GRM7: variants seen among roughly 807,000 people sequenced by gnomAD.
The protein encoded by GRM7 is metabotropic glutamate receptor 7.
Under a neutral mutation model 84.5 loss-of-function variants are expected in GRM7, and 35 were observed. The ratio of observed to expected loss-of-function variants is 0.41; its 90% CI spans 0.32 to 0.55. The LOEUF is 0.55. Among genes scored for constraint, GRM7 ranks in the 20% least tolerant of loss-of-function variants. GRM7 has a pLI of 0.19. For missense variants in GRM7, 1,003 were observed against 1,194.6 expected (o/e 0.84, Z 2.36); for synonymous variants, 487 against 455.1 (o/e 1.07, Z -0.89).
intron 4 of GRM7, among the ~76,000 whole-genome samples, chr3:7,338,672 ATGTC>A: frequency 6.6e-6 from 1 of 152,124 alleles, no homozygotes; most frequent in South Asian, 2.1e-4. Context: ...CTCTGTGAAA[ATGTC>A]TGTATTGAGA....
rs1194990434 is a variant in GRM7 at position 7,276,241 on chromosome 3, GTGTGTGTGTA to G, written c.737-22441_737-22432del. ...TGTGTGTGTGTGTGTGTGTGTGTGTGTGTGTGTGTATATATAATTGTCCTCTCAATGTAGA... is the reference window on the plus strand; with the variant it reads ...TGTGTGTGTGTGTGTGTGTGTGTGTGTATATAATTGTCCTCTCAATGTAGA... On this transcript the variant is annotated intron_variant, in intron 2 of 9. Coordinates refer to ENST00000357716, the MANE Select transcript of GRM7 (RefSeq NM_000844.4). Among the ~76,000 whole-genome samples the G allele has an allele frequency of 4.1e-4, 62 of 150,480 alleles. No individual in the cohort carries two copies. In the East Asian group the frequency reaches 5.8e-3, roughly 14 times the overall value.
At chr3:7,552,887 A>C (rs1281049846) in intron 7 of GRM7, among the ~76,000 whole-genome samples, 1 of 152,220 alleles carries the variant, frequency 6.6e-6, no homozygotes, top group African/African-American at 2.4e-5. Context: ...TTTGGCTTCT[A>C]GTTACTTATG....
intron 5 of GRM7, among the ~76,000 whole-genome samples, chr3:7,446,074 A>G (rs1697494002): frequency 6.6e-6 from 1 of 152,200 alleles, no homozygotes; most frequent in Non-Finnish European, 1.5e-5. Flanking sequence ...CCAAACATCA[A>G]TATTTAAGTT....
At chr3:6,947,617 T>G (rs1487962373) in intron 1 of GRM7, among the ~76,000 whole-genome samples, 2 of 152,230 alleles carry the variant, frequency 1.3e-5, no homozygotes, top group Non-Finnish European at 2.9e-5. Flanking sequence ...TGGAATGGTT[T>G]CAGAAGGAAT....
At position 7,250,057 on chromosome 3, in the gene GRM7, G is replaced by T. The variant is rs548844081; in HGVS notation, c.737-48627G>T. Among the ~76,000 whole-genome samples, 6 of 152,246 alleles carry T rather than the reference G, an allele frequency of 3.9e-5. No homozygotes were observed. In the South Asian group the frequency reaches 1.2e-3, roughly 32 times the overall value. ...GCACGGTCCCCGCCCCTCATGTGAGGCTAGGAAATGTAGGCTTTATTATTT... is the reference window on the plus strand; with the variant it reads ...GCACGGTCCCCGCCCCTCATGTGAGTCTAGGAAATGTAGGCTTTATTATTT... On this transcript the variant is annotated intron_variant, in intron 2 of 9. Coordinates refer to ENST00000357716, the MANE Select transcript of GRM7 (RefSeq NM_000844.4).
intron 1 of GRM7, among the ~76,000 whole-genome samples, chr3:6,899,101 T>G (rs751332856): frequency 6.6e-6 from 1 of 152,182 alleles, no homozygotes; most frequent in African/African-American, 2.4e-5. Context: ...AGTCCAGTAA[T>G]GAAGTCGGAA....
chr3:7,686,972 T>C (rs1412314784), intron 9 of GRM7, among the ~76,000 whole-genome samples: 1 of 152,190 alleles, frequency 6.6e-6, no homozygotes, highest in Non-Finnish European at 1.5e-5. Context: ...CCATCTGTAA[T>C]TCAAAGTTGT....
intron 1 of GRM7, among the ~76,000 whole-genome samples, chr3:6,963,098 G>A (rs559804743): frequency 6.6e-6 from 1 of 152,276 alleles, no homozygotes; most frequent in Non-Finnish European, 1.5e-5. Context: ...GGTGGTCTAT[G>A]GTAACCCTTA....
chr3:7,439,620 C>T (rs931997203), intron 5 of GRM7, among the ~76,000 whole-genome samples: 2 of 152,122 alleles, frequency 1.3e-5, no homozygotes, highest in African/African-American at 4.8e-5. Flanking sequence ...TTAGGAATAA[C>T]CCCTGTATTA....
At chr3:7,375,355 A>T (rs966550183) in intron 4 of GRM7, among the ~76,000 whole-genome samples, 2 of 151,318 alleles carry the variant, frequency 1.3e-5, no homozygotes, top group African/African-American at 4.9e-5. Context: ...AGTGGCTGGG[A>T]CTACAGGCGT....
chr3:7,012,692 G>A (rs185595825), intron 1 of GRM7, among the ~76,000 whole-genome samples: 93 of 152,204 alleles, frequency 6.1e-4, no homozygotes, highest in African/African-American at 2.1e-3. Context: ...CAGAGACACA[G>A]ACAAAGAAGA....
intron 7 of GRM7, 100 bp downstream of exon 7, chr3:7,461,822 A>G: frequency 9.2e-7 from 1 of 1,091,752 alleles, no homozygotes; most frequent in Non-Finnish European, 1.4e-6. Flanking sequence ...GTTTGTGTGC[A>G]TATACAAGTG....
intron 5 of GRM7, among the ~76,000 whole-genome samples, chr3:7,438,383 C>T (rs923500299): frequency 6.6e-6 from 1 of 151,988 alleles, no homozygotes; most frequent in Non-Finnish European, 1.5e-5. Flanking sequence ...GCAATCATGA[C>T]ACCCCCATTT....
chr3:7,436,475 G>C (rs539410693), intron 5 of GRM7, among the ~76,000 whole-genome samples: 1 of 137,772 alleles, frequency 7.3e-6, no homozygotes, highest in Admixed American at 7.9e-5. Flanking sequence ...AAAACATGTC[G>C]TGGGCCATAC....
At chr3:7,497,052 T>C (rs1259537440) in intron 7 of GRM7, among the ~76,000 whole-genome samples, 1 of 132,014 alleles carries the variant, frequency 7.6e-6, no homozygotes, top group East Asian at 2.0e-4. Context: ...CCTTGCTTTG[T>C]CCACTTAAGA....
At chr3:7,098,927 T>C (rs970932019) in intron 1 of GRM7, among the ~76,000 whole-genome samples, 1 of 151,974 alleles carries the variant, frequency 6.6e-6, no homozygotes, top group Non-Finnish European at 1.5e-5. Flanking sequence ...AAGCATACTT[T>C]AGTGGCTATC....
At chr3:7,095,011 T>C (rs1698806013) in intron 1 of GRM7, among the ~76,000 whole-genome samples, 1 of 151,830 alleles carries the variant, frequency 6.6e-6, no homozygotes, top group African/African-American at 2.4e-5. Context: ...GGGAGTCTTG[T>C]GGCCCATCCC....
At chr3:7,196,882 A>G (rs1209873807) in intron 2 of GRM7, among the ~76,000 whole-genome samples, 1 of 152,220 alleles carries the variant, frequency 6.6e-6, no homozygotes, top group African/African-American at 2.4e-5. Context: ...AGTACACATG[A>G]AAGTTACCCA....
intron 1 of GRM7, among the ~76,000 whole-genome samples, chr3:6,887,378 C>T (rs190742295): frequency 2.3e-3 from 345 of 152,112 alleles, no homozygotes; most frequent in African/African-American, 7.9e-3. Flanking sequence ...TATCCCTCCC[C>T]CCTTCCCCCA....
Sources: gnomAD v4.1 joint callset for allele counts (sites outside exome capture counted in the v4.1 genomes callset) on GRCh38, gnomAD v4.1.1 for gene constraint, MANE v1.5 for transcripts, NCBI Gene and HGNC (gene_info 2026-07-23, HGNC 2026-07-21) for gene names.